PIK3R3: variants seen among roughly 807,000 people sequenced by gnomAD.
PIK3R3 encodes phosphoinositide-3-kinase regulatory subunit 3, also known as phosphatidylinositol 3-kinase regulatory subunit gamma.
In PIK3R3, 64 loss-of-function variants were observed where a neutral mutation model predicts 62.9. The observed-to-expected ratio is 1.02, with a 90% CI of 0.83 to 1.25. The LOEUF is 1.25. Among genes scored for constraint, PIK3R3 ranks in the 50% most tolerant of loss-of-function variants. The pLI, the probability that PIK3R3 is intolerant of heterozygous loss-of-function variation, is 0.00. For missense variants in PIK3R3, 614 were observed against 561.6 expected (o/e 1.09, Z -0.94); for synonymous variants, 165 against 189.0 (o/e 0.87, Z 1.04).
chr1:46,159,422 G>A, the PIK3R3 span, among the ~76,000 whole-genome samples: 3 of 152,202 alleles, frequency 2.0e-5, no homozygotes, highest in South Asian at 2.1e-4. Context: ...GAAGGCTTTA[G>A]AGAGGCTAAT....
chr1:46,132,729 G>A (rs746406046), upstream of PIK3R3: 2 of 1,288,138 alleles, frequency 1.6e-6, no homozygotes, highest in East Asian at 5.6e-5. Flanking sequence ...CGCGCCGGGA[G>A]GGGGGACAGC....
intron 1 of PIK3R3, among the ~76,000 whole-genome samples, chr1:46,081,316 T>C (rs979128645): frequency 6.6e-6 from 1 of 152,166 alleles, no homozygotes; most frequent in Non-Finnish European, 1.5e-5. Flanking sequence ...ACAGAATACA[T>C]ATATTCCCTA....
At chr1:46,046,246 C>T (rs1234617368) in intron 8 of PIK3R3, among the ~76,000 whole-genome samples, 158 bp from the exon 9 acceptor site, 15 of 151,988 alleles carry the variant, frequency 9.9e-5, no homozygotes, top group Admixed American at 3.3e-4. Flanking sequence ...GTGCATAAAG[C>T]AAAGAATTCA....
chr1:46,055,358 C>T (rs946160292), intron 7 of PIK3R3, among the ~76,000 whole-genome samples: 1 of 152,210 alleles, frequency 6.6e-6, no homozygotes, highest in Non-Finnish European at 1.5e-5. Flanking sequence ...GATCTGCCTA[C>T]CTCGGCCTCC....
At chr1:46,089,016 C>A (rs1317055673) in intron 1 of PIK3R3, among the ~76,000 whole-genome samples, 1 of 152,136 alleles carries the variant, frequency 6.6e-6, no homozygotes, top group East Asian at 1.9e-4. Flanking sequence ...ATATATCCTG[C>A]CAAATTATCA....
At chr1:46,093,103 A>T (rs965995716) in intron 1 of PIK3R3, among the ~76,000 whole-genome samples, 11 of 152,320 alleles carry the variant, frequency 7.2e-5, no homozygotes, top group Middle Eastern at 3.4e-3. Context: ...TACCTCCCTG[A>T]ACCAGCCCTA....
At chr1:46,164,508 G>A in the PIK3R3 span, among the ~76,000 whole-genome samples, 10 of 151,996 alleles carry the variant, frequency 6.6e-5, no homozygotes, top group Non-Finnish European at 1.3e-4. Context: ...CCCCTCAAGG[G>A]CTCTCAGGAT....
intron 3 of PIK3R3, among the ~76,000 whole-genome samples, chr1:46,073,723 G>T (rs1314147878): frequency 6.6e-6 from 1 of 151,480 alleles, no homozygotes; most frequent in Non-Finnish European, 1.5e-5. Flanking sequence ...AGGTTCAAGC[G>T]ATTCCTCTGC....
At chr1:46,161,495 C>A in the PIK3R3 span, among the ~76,000 whole-genome samples, 1 of 152,148 alleles carries the variant, frequency 6.6e-6, no homozygotes, top group Non-Finnish European at 1.5e-5. Context: ...TTCTGGAAAG[C>A]ATTTTGGCAA....
the PIK3R3 span, among the ~76,000 whole-genome samples, chr1:46,159,739 AC>A: frequency 4.1e-5 from 1 of 24,626 alleles, no homozygotes; most frequent in African/African-American, 1.5e-4. Context: ...TGAGTACCAT[AC>A]ACACACACAC....
At chr1:46,152,995 TCA>T in the PIK3R3 span, among the ~76,000 whole-genome samples, 1 of 152,222 alleles carries the variant, frequency 6.6e-6, no homozygotes, top group African/African-American at 2.4e-5. Flanking sequence ...GTTTATTTTT[TCA>T]CAGTTATTTT....
rs578231957 is a variant in PIK3R3, at chr1:46,059,152, T to C, written c.764+2777A>G. 1.2e-3 allele frequency among the ~76,000 whole-genome samples: 182 copies of C among 152,380 alleles called. 2 individuals carry two copies. The highest frequency in any genetic ancestry group is 1.2e-3 in the Non-Finnish European group (82 of 68,030). On this transcript the variant is annotated intron_variant, in intron 6 of 9. Coordinates refer to ENST00000262741, the MANE Select transcript of PIK3R3 (RefSeq NM_003629.4). Reference sequence around the variant, plus strand: ...CTCTCTTTGCCTGCTGCCATCCATGTAAGACGTGATTTGCTCTTCCTTCCC... The same window carrying C: ...CTCTCTTTGCCTGCTGCCATCCATGCAAGACGTGATTTGCTCTTCCTTCCC...
rs1553149142 is a variant in PIK3R3 at position 46,077,538 on chromosome 1, C to T, written c.291G>A (p.Gln97=). 1.2e-6 allele frequency: 2 copies of T among 1,610,286 alleles called. No homozygotes were observed. The highest frequency in any genetic ancestry group is 3.3e-5 in the Admixed American group (2 of 60,000). The change falls in exon 3 of 10, where the codon CAG becomes CAA. Residue 97 remains glutamine, a synonymous_variant. Coordinates refer to ENST00000262741, the MANE Select transcript of PIK3R3 (RefSeq NM_003629.4). ...FLVRDASTKM[Q]GDYTLTLRKG... is the part of the protein sequence containing the mutation. ...ACCGCAAAGTCAAAGTATAATCTCC[C>T]TGCATTTTTGTTGAGGCATCTCGGA...
At chr1:46,128,133 A>T (rs1034890403) in intron 1 of PIK3R3, among the ~76,000 whole-genome samples, 1 of 152,204 alleles carries the variant, frequency 6.6e-6, no homozygotes, top group Non-Finnish European at 1.5e-5. Context: ...TTTATGGCTC[A>T]GTCTAAAATT....
chr1:46,149,605 C>A, the PIK3R3 span, among the ~76,000 whole-genome samples: 1 of 151,956 alleles, frequency 6.6e-6, no homozygotes, highest in South Asian at 2.1e-4. Flanking sequence ...GGCGCGATCT[C>A]AGCTCACTGC....
Position 46,131,824 on chromosome 1 carries a change from CTTTTT to C in PIK3R3, c.106+18_106+22del, listed in dbSNP as rs751868703. ...TACAAATCAGACCCATCACGAGATTCTTTTTTTTTTTCTCCCAAGTACCTGGAGGA... is the reference window on the plus strand; with the variant it reads ...TACAAATCAGACCCATCACGAGATTCTTTTTTCTCCCAAGTACCTGGAGGA... On this transcript the variant is annotated intron_variant, in intron 1 of 9. Transcript: ENST00000262741. 28 of 1,231,918 alleles carry C rather than the reference CTTTTT, an allele frequency of 2.3e-5. No homozygotes were observed. The Admixed American group carries it at 4.9e-4, about 22-fold the overall frequency. 76.3% of individuals were successfully genotyped at this position (1,231,918 alleles called of 1,614,324 possible). A position where few individuals can be genotyped will look rare whatever the true frequency, so the allele number is the denominator to read the frequency against.
intron 1 of PIK3R3, among the ~76,000 whole-genome samples, chr1:46,119,298 A>C (rs936774747): frequency 6.6e-6 from 1 of 152,266 alleles, no homozygotes; most frequent in Non-Finnish European, 1.5e-5. Context: ...ACAAACAAAA[A>C]AAATTTACAG....
Position 46,056,058 on chromosome 1 carries a change from T to G in PIK3R3, c.765-87A>C, listed in dbSNP as rs1033448859. ...TGAGCACGGTCCTAATATCCTTTTT[T>G]TTTTTCCCTTGAGATTGAGTCTCGC... On this transcript the variant is annotated intron_variant, in intron 6 of 9. Coordinates refer to ENST00000262741, the MANE Select transcript of PIK3R3 (RefSeq NM_003629.4). 1.5e-5 allele frequency: 12 copies of G among 819,462 alleles called. No homozygotes were observed. In the African/African-American group the frequency reaches 2.0e-4, roughly 13 times the overall value. The allele number at this position is 819,462 out of a possible 1,614,324, so 50.8% of individuals were successfully genotyped here. A position where few individuals can be genotyped will look rare whatever the true frequency, so the allele number is the denominator to read the frequency against.
chr1:46,054,485 C>T (rs1255532605), intron 7 of PIK3R3, among the ~76,000 whole-genome samples: 1 of 149,536 alleles, frequency 6.7e-6, no homozygotes, highest in Admixed American at 6.7e-5. Flanking sequence ...GTGTATATTT[C>T]ATCCTCTCCC....
Sources: allele counts gnomAD v4.1 joint callset (sites outside exome capture counted in the v4.1 genomes callset), GRCh38; gene constraint gnomAD v4.1.1; transcripts MANE v1.5; gene names NCBI Gene and HGNC (gene_info 2026-07-23, HGNC 2026-07-21).